FHIP1A: variants seen among roughly 807,000 people sequenced by gnomAD.
FHIP1A encodes the protein FHF complex subunit HOOK-interacting protein 1A.
FHIP1A carries 61 observed loss-of-function variants against 88.6 expected under a neutral mutation model. That is an observed-to-expected ratio of 0.69 (90% CI 0.56 to 0.85). The LOEUF (loss-of-function observed/expected upper bound fraction) is 0.85. Ranked by LOEUF, FHIP1A falls within the 40% of genes least tolerant of loss-of-function variation. The pLI is 0.00. For missense variants in FHIP1A, 1,154 were observed against 1,273.5 expected (o/e 0.91, Z 1.43); for synonymous variants, 478 against 496.0 (o/e 0.96, Z 0.48).
chr4:151,572,105 G>A (rs1277418159), intron 4 of FHIP1A, among the ~76,000 whole-genome samples: 1 of 152,222 alleles, frequency 6.6e-6, no homozygotes, highest in African/African-American at 2.4e-5. Flanking sequence ...TACTTGGGAG[G>A]CTGAGGCAGG....
intron 2 of FHIP1A, among the ~76,000 whole-genome samples, chr4:151,474,295 A>G (rs1020182511): frequency 3.9e-5 from 6 of 152,232 alleles, no homozygotes; most frequent in Admixed American, 1.3e-4. Context: ...ACATTTAGTT[A>G]TGCCTCACTA....
chr4:151,549,546 C>A (rs1163841084), intron 3 of FHIP1A, among the ~76,000 whole-genome samples: 1 of 151,520 alleles, frequency 6.6e-6, no homozygotes, highest in Non-Finnish European at 1.5e-5. Flanking sequence ...GGGGAGGAAC[C>A]CTCAGCTCTG....
chr4:151,622,568 A>C (rs1387667043), intron 7 of FHIP1A, among the ~76,000 whole-genome samples: 2 of 152,132 alleles, frequency 1.3e-5, no homozygotes, highest in African/African-American at 4.8e-5. Flanking sequence ...GTTAGTTCTC[A>C]TAAGATTGTT....
chr4:151,550,849 G>T (rs1293360545), intron 3 of FHIP1A, among the ~76,000 whole-genome samples: 1 of 152,180 alleles, frequency 6.6e-6, no homozygotes, highest in African/African-American at 2.4e-5. Context: ...AAGCAGGACT[G>T]TGCAGAGGAT....
In FHIP1A at chr4:151,623,129, C is replaced by T. The variant is rs1168570513; in HGVS notation, c.979-6573C>T. Among the ~76,000 whole-genome samples the T allele has an allele frequency of 3.3e-5, 5 of 152,336 alleles. No individual in the cohort carries two copies. The South Asian group carries it at 1.0e-3, about 32-fold the overall frequency. On this transcript the variant is annotated intron_variant, in intron 7 of 13. Transcript: ENST00000435205. ...CTAGTTGCAGCATCGGCCCATTGGA[C>T]ATAGGACCATTTTTATTGGCAATGA...
At chr4:151,412,004 T>C (rs1464190903) in intron 1 of FHIP1A, among the ~76,000 whole-genome samples, 1 of 152,198 alleles carries the variant, frequency 6.6e-6, no homozygotes, top group East Asian at 1.9e-4. Flanking sequence ...TTTCACAGAG[T>C]GCTTTCATGT....
chr4:151,608,259 G>A (rs545456786), intron 7 of FHIP1A, among the ~76,000 whole-genome samples: 2 of 151,316 alleles, frequency 1.3e-5, no homozygotes, highest in South Asian at 4.2e-4. Context: ...TGGCCAGGCT[G>A]GTCTCAAACT....
At chr4:151,475,279 A>G (rs1273516782) in intron 2 of FHIP1A, among the ~76,000 whole-genome samples, 2 of 152,190 alleles carry the variant, frequency 1.3e-5, no homozygotes, top group African/African-American at 2.4e-5. Flanking sequence ...GCTTCAATTC[A>G]TGGGGAAATG....
At chr4:151,464,015 T>C (rs951240544) in intron 2 of FHIP1A, among the ~76,000 whole-genome samples, 4 of 152,158 alleles carry the variant, frequency 2.6e-5, no homozygotes, top group African/African-American at 7.2e-5. Flanking sequence ...TCAGCCTCCT[T>C]AGCCAGTTTG....
intron 1 of FHIP1A, among the ~76,000 whole-genome samples, chr4:151,415,888 T>C (rs1381937032): frequency 1.3e-5 from 2 of 152,036 alleles, no homozygotes; most frequent in African/African-American, 4.8e-5. Flanking sequence ...GTAACAGCTA[T>C]AAAAATACTC....
intron 1 of FHIP1A, among the ~76,000 whole-genome samples, chr4:151,427,430 A>T (rs997571714): frequency 6.6e-6 from 1 of 152,036 alleles, no homozygotes; most frequent in African/African-American, 2.4e-5. Context: ...TTTGTTGTTG[A>T]TATATGAGAC....
intron 4 of FHIP1A, among the ~76,000 whole-genome samples, chr4:151,567,367 A>T (rs1444964700): frequency 1.3e-5 from 2 of 151,998 alleles, no homozygotes; most frequent in African/African-American, 4.8e-5. Flanking sequence ...CACAGTTTAG[A>T]TCAAAACCAA....
In FHIP1A at chr4:151,588,848, C is replaced by T. The variant is rs1198267440; in HGVS notation, c.900C>T (p.His300=). ...ATGTGCCTCTCTCTCAGGTGGCTCA[C>T]CCCTTGATTCGAAATCAGCTTGTCA... The part of the protein sequence containing the change: ...EFCNAVIQVA[H]PLIRNQLVNY... Residue 300 remains histidine (H), a synonymous_variant, in exon 7 of 14, where the codon CAC becomes CAT. Coordinates refer to ENST00000435205, the MANE Select transcript of FHIP1A (RefSeq NM_001109977.3). The T allele has an allele frequency of 6.5e-7, 1 of 1,550,280 alleles. No individual in the cohort carries two copies. The highest frequency in any genetic ancestry group is 8.7e-7 in the Non-Finnish European group (1 of 1,145,896).
At chr4:151,579,219 CTGAG>C (rs1733932136) in intron 5 of FHIP1A, among the ~76,000 whole-genome samples, 1 of 152,288 alleles carries the variant, frequency 6.6e-6, no homozygotes, top group South Asian at 2.1e-4. Flanking sequence ...ATGTAAAACA[CTGAG>C]TGAGCGCTCA....
intron 1 of FHIP1A, among the ~76,000 whole-genome samples, chr4:151,449,768 A>G (rs1728729881): frequency 6.6e-6 from 1 of 152,140 alleles, no homozygotes; most frequent in Non-Finnish European, 1.5e-5. Context: ...TCTTAACTCT[A>G]GAGGCAGCAT....
At position 151,451,887 on chromosome 4, in the gene FHIP1A, C is replaced by T. The variant is rs369479966; in HGVS notation, c.-355-2814C>T. On this transcript the variant is annotated intron_variant, in intron 1 of 13. Coordinates refer to ENST00000435205, the MANE Select transcript of FHIP1A (RefSeq NM_001109977.3). ...CCAGGCTGAAGTGCCATGGCACTCT[C>T]ACGGCTCATTACAGCCTTGACCTCC... is the stretch of plus-strand genomic sequence containing the variant. Among the ~76,000 whole-genome samples the T allele has an allele frequency of 4.6e-5, 7 of 150,880 alleles. No individual in the cohort carries two copies. The South Asian group carries it at 1.3e-3, about 27-fold the overall frequency.
chr4:151,506,456 A>C (rs1730841203), intron 3 of FHIP1A, among the ~76,000 whole-genome samples: 1 of 152,188 alleles, frequency 6.6e-6, no homozygotes, highest in Non-Finnish European at 1.5e-5. Context: ...GGTTTGGCTC[A>C]TGGTTCTGTA....
At chr4:151,557,092 C>A (rs1732979002) in intron 3 of FHIP1A, among the ~76,000 whole-genome samples, 1 of 152,102 alleles carries the variant, frequency 6.6e-6, no homozygotes, top group Admixed American at 6.6e-5. Context: ...GTCAGATAAT[C>A]AATTTTTGGT....
At chr4:151,508,708 G>A (rs750340187) in intron 3 of FHIP1A, among the ~76,000 whole-genome samples, 1 of 152,194 alleles carries the variant, frequency 6.6e-6, no homozygotes, top group Admixed American at 6.5e-5. Context: ...AGGTGACTTG[G>A]ACTTGGAACC....
Sources: allele counts gnomAD v4.1 joint callset (sites outside exome capture counted in the v4.1 genomes callset), GRCh38; gene constraint gnomAD v4.1.1; transcripts MANE v1.5; gene names NCBI Gene and HGNC (gene_info 2026-07-23, HGNC 2026-07-21).